The following ROBO2 variants were observed in gnomAD, a reference collection of about 807,000 sequenced individuals.
The protein encoded by ROBO2 is roundabout homolog 2.
In ROBO2, 53 loss-of-function variants were observed where a neutral mutation model predicts 160.8. That is an observed-to-expected ratio of 0.33 (90% CI 0.26 to 0.41). The LOEUF (loss-of-function observed/expected upper bound fraction) is 0.41. Ranked by LOEUF, ROBO2 falls within the 10% of genes least tolerant of loss-of-function variation. The pLI is 1.00. For synonymous variants in ROBO2, 664 were observed against 611.7 expected, an observed-to-expected ratio of 1.09 and a Z score of -1.26; for missense variants, 1,577 against 1,722.4, an observed-to-expected ratio of 0.92 and a Z score of 1.49.
intron 1 of ROBO2, among the ~76,000 whole-genome samples, chr3:77,059,186 AGAGT>A (rs1030893439): frequency 6.6e-6 from 1 of 152,112 alleles, no homozygotes; most frequent in Non-Finnish European, 1.5e-5. Context: ...AGCTATGTGA[AGAGT>A]GAGATCTGAG....
chr3:76,221,913 A>G (rs1279705993), intron 2 of ROBO2, among the ~76,000 whole-genome samples: 1 of 152,178 alleles, frequency 6.6e-6, no homozygotes, highest in Non-Finnish European at 1.5e-5. Flanking sequence ...GTCTATTCCA[A>G]TAAGCACAAA....
At chr3:76,718,405 A>G (rs155336) in intron 2 of ROBO2, among the ~76,000 whole-genome samples, 53,944 of 152,130 alleles carry the variant, frequency 0.35, 11,147 homozygotes, top group Non-Finnish European at 0.47. Flanking sequence ...GTTAGGATAA[A>G]CCATAGTTTC....
intron 2 of ROBO2, among the ~76,000 whole-genome samples, chr3:76,700,879 C>A (rs2107449438): frequency 6.6e-6 from 1 of 152,250 alleles, no homozygotes; most frequent in African/African-American, 2.4e-5. Flanking sequence ...TTTTCATAGT[C>A]ATTCATTCAC....
chr3:77,151,636 A>C (rs935569481), intron 2 of ROBO2, among the ~76,000 whole-genome samples: 6 of 152,178 alleles, frequency 3.9e-5, no homozygotes, highest in Admixed American at 2.6e-4. Context: ...TATTCACATT[A>C]TGGCTTAAGT....
At chr3:77,283,366 C>A (rs1283808642) in intron 2 of ROBO2, among the ~76,000 whole-genome samples, 1 of 152,174 alleles carries the variant, frequency 6.6e-6, no homozygotes, top group African/African-American at 2.4e-5. Context: ...AGATGGATTG[C>A]TGAATGCGAT....
At chr3:76,290,649 T>C (rs996702844) in intron 2 of ROBO2, among the ~76,000 whole-genome samples, 2 of 152,068 alleles carry the variant, frequency 1.3e-5, no homozygotes, top group Admixed American at 1.3e-4. Context: ...ATCATGTCAG[T>C]TGTGGGTCTG....
intron 2 of ROBO2, among the ~76,000 whole-genome samples, chr3:76,556,968 C>T (rs1270718094): frequency 6.6e-6 from 1 of 151,994 alleles, no homozygotes; most frequent in Non-Finnish European, 1.5e-5. Context: ...TTTAATTTAT[C>T]ATATTTAGAC....
intron 1 of ROBO2, among the ~76,000 whole-genome samples, chr3:77,079,495 G>A (rs1016550241): frequency 4.6e-5 from 7 of 152,022 alleles, no homozygotes; most frequent in Non-Finnish European, 1.0e-4. Context: ...ATTTGATGGT[G>A]ACTTCGAATT....
intron 2 of ROBO2, among the ~76,000 whole-genome samples, chr3:76,521,183 G>T (rs910873073): frequency 2.0e-5 from 3 of 151,396 alleles, no homozygotes; most frequent in African/African-American, 7.3e-5. Context: ...CAAGTAGTTG[G>T]GACTACAGGC....
In ROBO2 at chr3:77,575,366, A is replaced by T. The variant is rs114082024; in HGVS notation, c.2203+636A>T. The stretch of plus-strand genomic sequence containing the variant: ...ATAAATGTTGTCATTAAAGTTAAAA[A>T]AAAGGAGATGCGAAATGAAATAAAT... On this transcript the variant is annotated intron_variant, in intron 14 of 25. Coordinates refer to ENST00000461745, the Ensembl canonical transcript of ROBO2. Among the ~76,000 whole-genome samples, 476 of 152,244 alleles carry T rather than the reference A, an allele frequency of 3.1e-3. 1 individual carries two copies. The highest frequency in any genetic ancestry group is 6.8e-3 in the Middle Eastern group (2 of 294).
At chr3:77,169,495 G>C (rs1157700844) in intron 2 of ROBO2, among the ~76,000 whole-genome samples, 1 of 152,044 alleles carries the variant, frequency 6.6e-6, no homozygotes, top group Non-Finnish European at 1.5e-5. Context: ...ACTCCTCCCA[G>C]AATTTTTCCA....
At chr3:77,538,847 AT>A in intron 6 of ROBO2, 1 of 493,124 alleles carries the variant, frequency 2.0e-6, no homozygotes, top group African/African-American at 1.9e-5. Flanking sequence ...CAAAGAAACG[AT>A]TTCTCACTCT....
At chr3:77,613,249 A>T (rs1175097937) in intron 21 of ROBO2, among the ~76,000 whole-genome samples, 1 of 151,194 alleles carries the variant, frequency 6.6e-6, no homozygotes, top group Non-Finnish European at 1.5e-5. Context: ...TCATGTGTAT[A>T]TCCCCATTAG....
chr3:76,303,759 T>G (rs142775568), intron 2 of ROBO2, among the ~76,000 whole-genome samples: 6 of 152,316 alleles, frequency 3.9e-5, no homozygotes, highest in African/African-American at 1.4e-4. Context: ...ATTAGCAAAA[T>G]GCAGTGTAAT....
At chr3:77,593,628 T>C (rs1431525130) in intron 17 of ROBO2, among the ~76,000 whole-genome samples, 1 of 151,998 alleles carries the variant, frequency 6.6e-6, no homozygotes, top group Admixed American at 6.6e-5. Context: ...ACCCTTGGAG[T>C]TTAGAGTCAT....
intron 2 of ROBO2, among the ~76,000 whole-genome samples, chr3:76,644,667 C>T (rs1347611891): frequency 6.6e-6 from 1 of 152,132 alleles, no homozygotes; most frequent in Non-Finnish European, 1.5e-5. Context: ...TTCACTCCCT[C>T]CCACCCTACA....
At chr3:76,820,776 C>A (rs2066056918) in intron 2 of ROBO2, among the ~76,000 whole-genome samples, 1 of 151,840 alleles carries the variant, frequency 6.6e-6, no homozygotes, top group Non-Finnish European at 1.5e-5. Context: ...ATAGATGATT[C>A]TGTATCTGCT....
At chr3:77,458,556 C>T (rs899776836) in intron 2 of ROBO2, among the ~76,000 whole-genome samples, 2 of 151,150 alleles carry the variant, frequency 1.3e-5, no homozygotes, top group Non-Finnish European at 2.9e-5. Context: ...CAGCAATTCA[C>T]TCACCATCAG....
chr3:76,422,589 C>G (rs1360827898), intron 2 of ROBO2, among the ~76,000 whole-genome samples: 1 of 152,096 alleles, frequency 6.6e-6, no homozygotes, highest in African/African-American at 2.4e-5. Context: ...GGGATCATGG[C>G]TATAAAAGAG....
Sources: gnomAD v4.1 joint callset for allele counts (sites outside exome capture counted in the v4.1 genomes callset) on GRCh38, gnomAD v4.1.1 for gene constraint, MANE v1.5 for transcripts, NCBI Gene and HGNC (gene_info 2026-07-23, HGNC 2026-07-21) for gene names.